LPP: variants seen among roughly 807,000 people sequenced by gnomAD.
The protein encoded by LPP is lipoma-preferred partner.
In LPP, 38 loss-of-function variants were observed where a neutral mutation model predicts 60.4. The ratio of observed to expected loss-of-function variants is 0.63; its 90% CI spans 0.49 to 0.83. The LOEUF (loss-of-function observed/expected upper bound fraction) is 0.83, where lower values mean the gene tolerates loss of function less well. Among genes scored for constraint, LPP ranks in the 40% least tolerant of loss-of-function variants. The pLI is 0.00. For missense variants in LPP, 902 were observed against 783.6 expected (o/e 1.15, Z -1.80); for synonymous variants, 328 against 290.8 (o/e 1.13, Z -1.30).
intron 2 of LPP, among the ~76,000 whole-genome samples, chr3:188,293,276 G>A (rs559522596): frequency 1.3e-5 from 2 of 152,342 alleles, no homozygotes; most frequent in African/African-American, 2.4e-5. Context: ...AGATGGTTTT[G>A]GATGTTGTTC....
At chr3:188,711,633 CA>C (rs76908828) in intron 8 of LPP, 8,583 of 147,024 alleles carry the variant, frequency 0.058, 309 homozygotes, top group Non-Finnish European at 0.087. Context: ...ATGTAGAAAA[CA>C]AAAAAAAAAG....
In LPP at chr3:188,509,038, G is replaced by T. The variant is rs184257398; in HGVS notation, c.307-15627G>T. 1.6e-3 allele frequency among the ~76,000 whole-genome samples: 241 copies of T among 152,250 alleles called. 1 individual carries two copies. Among genetic ancestry groups the T allele is most frequent in the Non-Finnish European group, 2.8e-3 (190 of 68,004 alleles). ...TCTTATGTTCATGGATATCGAAGGTGCTTCTGTCCTCAAAGGTTGCTAGCT... is the reference window on the plus strand; with the variant it reads ...TCTTATGTTCATGGATATCGAAGGTTCTTCTGTCCTCAAAGGTTGCTAGCT... On this transcript the variant is annotated intron_variant, in intron 5 of 11. Coordinates refer to ENST00000617246, the MANE Select transcript of LPP (RefSeq NM_001375462.1).
chr3:188,804,277 A>G (rs188578472), intron 9 of LPP, among the ~76,000 whole-genome samples: 42 of 126,128 alleles, frequency 3.3e-4, no homozygotes, highest in Admixed American at 2.6e-3. Flanking sequence ...ATATATATAT[A>G]TATATAAAAT....
At chr3:188,794,861 G>T (rs1483446790) in intron 9 of LPP, among the ~76,000 whole-genome samples, 1 of 152,166 alleles carries the variant, frequency 6.6e-6, no homozygotes, top group Non-Finnish European at 1.5e-5. Flanking sequence ...TTTGAGGCCG[G>T]GTGCGGAGGC....
At chr3:188,827,103 A>G (rs1421439815) in intron 9 of LPP, among the ~76,000 whole-genome samples, 1 of 152,182 alleles carries the variant, frequency 6.6e-6, no homozygotes, top group Non-Finnish European at 1.5e-5. Flanking sequence ...TTTCATATTA[A>G]TGGAATGGAT....
intron 8 of LPP, among the ~76,000 whole-genome samples, chr3:188,738,432 C>G (rs1016097300): frequency 6.6e-6 from 1 of 152,094 alleles, no homozygotes; most frequent in African/African-American, 2.4e-5. Context: ...GTAACAGAGC[C>G]AAATTTTAAA....
At position 188,536,352 on chromosome 3, in the gene LPP, T is replaced by A. The variant is rs896561188; in HGVS notation, c.429+11565T>A. Among the ~76,000 whole-genome samples, 3 of 152,334 alleles carry A rather than the reference T, an allele frequency of 2.0e-5. No homozygotes were observed. The South Asian group carries it at 6.2e-4, about 32-fold the overall frequency. On this transcript the variant is annotated intron_variant, in intron 6 of 11. Transcript: ENST00000617246. ...TTTTGCGTTTACTGCCAGGAAGCTC[T>A]GCTTCATTAAAAGAAGCCTCTAAGA... is the stretch of plus-strand genomic sequence containing the variant.
chr3:188,637,736 C>T (rs1849125192), intron 7 of LPP, among the ~76,000 whole-genome samples: 1 of 152,192 alleles, frequency 6.6e-6, no homozygotes, highest in South Asian at 2.1e-4. Context: ...CTACAAACAC[C>T]TCTACGCAAA....
rs1769160054 is a variant in LPP, at chr3:188,875,600, CA to C, written c.*1122del. The C allele has an allele frequency of 4.8e-6, 1 of 206,916 alleles. No individual in the cohort carries two copies. Among genetic ancestry groups the C allele is most frequent in the Non-Finnish European group, 9.9e-6 (1 of 101,316 alleles). The allele number at this position is 206,916 out of a possible 1,614,324, so 12.8% of individuals were successfully genotyped here. A position where few individuals can be genotyped will look rare whatever the true frequency, so the allele number is the denominator to read the frequency against. On this transcript the variant is annotated 3_prime_UTR_variant, in exon 12 of 12. Coordinates refer to ENST00000617246, the MANE Select transcript of LPP (RefSeq NM_001375462.1). The stretch of plus-strand genomic sequence containing the variant: ...AAAGCTTGAAAAGATTCTGAAACCA[CA>C]GTTTCATTATTCTCATAATCCTTCT...
At chr3:188,154,360 G>T (rs978765156) in intron 1 of LPP, among the ~76,000 whole-genome samples, 108 bp downstream of exon 1, 1 of 152,040 alleles carries the variant, frequency 6.6e-6, no homozygotes, top group Non-Finnish European at 1.5e-5. Flanking sequence ...AGCGCAGGGC[G>T]CGCGCCCTGC....
chr3:188,551,182 C>CA (rs1346934794), intron 6 of LPP, among the ~76,000 whole-genome samples: 18 of 152,260 alleles, frequency 1.2e-4, no homozygotes, highest in Admixed American at 1.2e-3. Flanking sequence ...GGGGAGGACT[C>CA]AGAGTCATGG....
intron 6 of LPP, among the ~76,000 whole-genome samples, chr3:188,535,500 A>G (rs567423723): frequency 1.3e-5 from 2 of 152,348 alleles, no homozygotes; most frequent in Admixed American, 6.5e-5. Flanking sequence ...AAATATGCTA[A>G]AAAAGCTAAT....
chr3:188,506,845 T>G (rs1813618941), intron 5 of LPP, among the ~76,000 whole-genome samples: 1 of 152,202 alleles, frequency 6.6e-6, no homozygotes, highest in African/African-American at 2.4e-5. Flanking sequence ...TTGCCCAGGC[T>G]GGAGTGCAGT....
intron 2 of LPP, among the ~76,000 whole-genome samples, chr3:188,332,961 A>C (rs1313810325): frequency 8.8e-6 from 1 of 113,044 alleles, no homozygotes; most frequent in Non-Finnish European, 1.6e-5. Context: ...TCTTCTTTTC[A>C]ATAAGGAAGC....
chr3:188,808,778 C>A (rs1247039157), intron 9 of LPP, among the ~76,000 whole-genome samples: 1 of 152,154 alleles, frequency 6.6e-6, no homozygotes, highest in Non-Finnish European at 1.5e-5. Context: ...AACCCGTTGT[C>A]TAGTTTTAAG....
At chr3:188,700,953 A>G (rs1864280704) in intron 7 of LPP, among the ~76,000 whole-genome samples, 2 of 152,222 alleles carry the variant, frequency 1.3e-5, no homozygotes, top group South Asian at 2.1e-4. Context: ...AACATGTTAC[A>G]CATAAAGAAA....
intron 9 of LPP, among the ~76,000 whole-genome samples, chr3:188,862,671 C>G (rs1028347164): frequency 7.1e-6 from 1 of 140,650 alleles, no homozygotes; most frequent in South Asian, 2.3e-4. Flanking sequence ...GTGCTCTTTT[C>G]TTTTAAATCC....
At chr3:188,658,291 C>A (rs1333672785) in intron 7 of LPP, among the ~76,000 whole-genome samples, 1 of 152,060 alleles carries the variant, frequency 6.6e-6, no homozygotes, top group Non-Finnish European at 1.5e-5. Flanking sequence ...ATTACAGGCA[C>A]CTGCCACCAC....
chr3:188,247,283 C>G (rs528168869), intron 2 of LPP: 1 of 486,650 alleles, frequency 2.1e-6, no homozygotes, highest in Admixed American at 6.4e-5. Flanking sequence ...AACGCTGAGG[C>G]TATTTTTAGA....
Sources: gnomAD v4.1 joint callset for allele counts (sites outside exome capture counted in the v4.1 genomes callset) on GRCh38, gnomAD v4.1.1 for gene constraint, MANE v1.5 for transcripts, NCBI Gene and HGNC (gene_info 2026-07-23, HGNC 2026-07-21) for gene names.